The following NCAPD3 variants were observed in gnomAD, a reference collection of about 807,000 sequenced individuals.
NCAPD3 encodes the protein non-SMC condensin II complex subunit D3.
In NCAPD3, 105 loss-of-function variants were observed where a neutral mutation model predicts 182.9. That is an observed-to-expected ratio of 0.57 (90% CI 0.49 to 0.68). The LOEUF (loss-of-function observed/expected upper bound fraction) is 0.68, where lower values mean the gene tolerates loss of function less well. NCAPD3 is among the 30% of genes least tolerant of loss of function. The pLI is 0.00. For missense variants in NCAPD3, 1,944 were observed against 1,837.0 expected (o/e 1.06, Z -1.07); for synonymous variants, 815 against 679.9 (o/e 1.20, Z -3.09).
At chr11:134,160,141 C>T (rs996325874) in intron 28 of NCAPD3, 67 bp from the exon 29 acceptor site, 56 of 1,528,172 alleles carry the variant, frequency 3.7e-5, no homozygotes, top group Middle Eastern at 1.7e-4. Flanking sequence ...TAAACCCCCA[C>T]GACACACCTT....
intron 19 of NCAPD3, among the ~76,000 whole-genome samples, chr11:134,184,362 A>G (rs1002928040): frequency 6.6e-6 from 1 of 152,242 alleles, no homozygotes; most frequent in African/African-American, 2.4e-5. Context: ...TCTCACCAGG[A>G]AATGACAATC....
At chr11:134,201,392 G>A (rs1221867707) in intron 13 of NCAPD3, among the ~76,000 whole-genome samples, 4 of 152,180 alleles carry the variant, frequency 2.6e-5, no homozygotes, top group Admixed American at 2.6e-4. Context: ...GGGGCATGGG[G>A]AGTGACTGCT....
At position 134,184,626 on chromosome 11, in the gene NCAPD3, T is replaced by A. The variant is rs757030798; in HGVS notation, c.2451+11A>T. 4.4e-6 allele frequency: 7 copies of A among 1,577,870 alleles called. No individual in the cohort carries two copies. The highest frequency in any genetic ancestry group is 1.4e-5 in the African/African-American group (1 of 73,374). On this transcript the variant is annotated intron_variant, in intron 19 of 34. Transcript: ENST00000534548. ...GAAGTCAGAAACATGTCAGGGAAAGTCTGGCCATACCTGCTCCTCTGCTGG... is the reference window on the plus strand; with the variant it reads ...GAAGTCAGAAACATGTCAGGGAAAGACTGGCCATACCTGCTCCTCTGCTGG...
intron 12 of NCAPD3, 113 bp from the exon 13 acceptor site, chr11:134,203,018 CCTCT>C: frequency 8.7e-7 from 1 of 1,151,396 alleles, no homozygotes; most frequent in Non-Finnish European, 1.2e-6. Flanking sequence ...TGAATTTCAA[CCTCT>C]CTCATGAAAA....
Position 134,153,282 on chromosome 11 carries a change from A to G in NCAPD3, c.4327+7T>C, listed in dbSNP as rs1281339127. 5 of 1,614,018 alleles carry G rather than the reference A, an allele frequency of 3.1e-6. No homozygotes were observed. The highest frequency in any genetic ancestry group is 4.2e-6 in the Non-Finnish European group (5 of 1,179,998). On this transcript the variant is annotated splice_region_variant and intron_variant, in intron 33 of 34. Transcript: ENST00000534548. The stretch of plus-strand genomic sequence containing the variant: ...TCTATCAGCCCAGAAGGACACCAAG[A>G]ACTTGCCTTTGGCTGACGACGGAGT...
intron 32 of NCAPD3, 81 bp downstream of exon 32, chr11:134,156,937 G>C: frequency 1.6e-6 from 2 of 1,284,844 alleles, no homozygotes; most frequent in Non-Finnish European, 2.2e-6. Flanking sequence ...ACCGGAAGGA[G>C]TTTTACTGCG....
intron 14 of NCAPD3, 64 bp from the exon 15 acceptor site, chr11:134,194,214 T>A: frequency 6.6e-7 from 1 of 1,516,102 alleles, no homozygotes; most frequent in Non-Finnish European, 9.0e-7. Flanking sequence ...AGATAAACTG[T>A]TAACAAAGGA....
intron 1 of NCAPD3, chr11:134,223,272 G>A (rs1416590170): frequency 1.7e-6 from 1 of 604,278 alleles, no homozygotes; most frequent in East Asian, 2.8e-5. Flanking sequence ...AATTGCTCGA[G>A]GCTATGATGA....
At chr11:134,222,081 C>T (rs1463657025) in intron 1 of NCAPD3, among the ~76,000 whole-genome samples, 1 of 152,206 alleles carries the variant, frequency 6.6e-6, no homozygotes, top group African/African-American at 2.4e-5. Flanking sequence ...CAGTAACTGG[C>T]CCTGTTATCT....
chr11:134,157,157 A>T, intron 31 of NCAPD3, 62 bp from the exon 32 acceptor site: 3 of 1,331,410 alleles, frequency 2.3e-6, no homozygotes, highest in Non-Finnish European at 1.1e-6. Flanking sequence ...GAGCAAAACA[A>T]CCACATGAGA....
chr11:134,201,777 A>T (rs964271431), intron 13 of NCAPD3, among the ~76,000 whole-genome samples: 2 of 152,230 alleles, frequency 1.3e-5, no homozygotes, highest in African/African-American at 4.8e-5. Flanking sequence ...GAGCCAACAC[A>T]AACATTCAGC....
Position 134,206,720 on chromosome 11 carries a change from C to T in NCAPD3, c.895G>A (p.Val299Ile). ...ATTACACTGAGCATTTGATGGAAAACACAACTGATGACCTAGAAGAGAAAA... is the reference window on the plus strand; with the variant it reads ...ATTACACTGAGCATTTGATGGAAAATACAACTGATGACCTAGAAGAGAAAA... ...HGEGDKVISCVFHQMLSVILM... is the reference protein window; with the variant it reads ...HGEGDKVISCIFHQMLSVILM... Residue 299 changes from valine (V) to isoleucine (I), a missense_variant, in exon 8 of 35, where the codon GTT becomes ATT. By Grantham distance (29) the Val-to-Ile change is conservative. Coordinates refer to ENST00000534548, the MANE Select transcript of NCAPD3 (RefSeq NM_015261.3). 6.2e-7 allele frequency: 1 copy of T among 1,608,716 alleles called. No homozygotes were observed.
rs762454420 is a variant in NCAPD3 at position 134,168,614 on chromosome 11, C to A, written c.3240-12G>T. 1.9e-6 allele frequency: 3 copies of A among 1,613,868 alleles called. No individual in the cohort carries two copies. Among genetic ancestry groups the A allele is most frequent in the Middle Eastern group, 3.3e-4 (2 of 6,060 alleles). On this transcript the variant is annotated splice_polypyrimidine_tract_variant and intron_variant, in intron 25 of 34. Coordinates refer to ENST00000534548, the MANE Select transcript of NCAPD3 (RefSeq NM_015261.3). Reference sequence around the variant, plus strand: ...ACAGCCGCTTCTCTCTGTGGCAGAACGGGACAAGTTCACTGCATCACATGG... The same window carrying A: ...ACAGCCGCTTCTCTCTGTGGCAGAAAGGGACAAGTTCACTGCATCACATGG...
chr11:134,189,700 T>C (rs1011557101), intron 16 of NCAPD3, among the ~76,000 whole-genome samples: 1 of 152,216 alleles, frequency 6.6e-6, no homozygotes, highest in African/African-American at 2.4e-5. Flanking sequence ...CTTAGAAATG[T>C]GTGCTTATTG....
chr11:134,153,504 A>C (rs968607311), intron 32 of NCAPD3, 141 bp from the exon 33 acceptor site: 2 of 809,782 alleles, frequency 2.5e-6, no homozygotes, highest in Non-Finnish European at 4.2e-6. Context: ...ACCCTGTCCC[A>C]GGGCCTGGCA....
At position 134,151,732 on chromosome 11, in the gene NCAPD3, T is replaced by TAAAA. The variant is rs928942420; in HGVS notation, c.*1208_*1211dup. On this transcript the variant is annotated 3_prime_UTR_variant, in exon 35 of 35. Coordinates refer to ENST00000534548, the MANE Select transcript of NCAPD3 (RefSeq NM_015261.3). The stretch of plus-strand genomic sequence containing the variant: ...TTTGGCATTTGTTTAACCTCATTTA[T>TAAAA]AAAAGCTTCAAAAAAACCCAAACAT... 1.6e-4 allele frequency: 24 copies of TAAAA among 152,364 alleles called. No individual in the cohort carries two copies. Among genetic ancestry groups the TAAAA allele is most frequent in the African/African-American group, 5.3e-4 (22 of 41,586 alleles). The allele number at this position is 152,364 out of a possible 1,614,324, so 9.4% of individuals were successfully genotyped here. A position where few individuals can be genotyped will look rare whatever the true frequency, so the allele number is the denominator to read the frequency against.
At chr11:134,210,519 C>T in intron 3 of NCAPD3, 65 bp from the exon 4 acceptor site, 1 of 1,415,358 alleles carries the variant, frequency 7.1e-7, no homozygotes, top group Non-Finnish European at 9.8e-7. Flanking sequence ...TCTATAACAT[C>T]AGATGAAAAG....
intron 16 of NCAPD3, among the ~76,000 whole-genome samples, chr11:134,191,177 T>C (rs1565543490): frequency 6.6e-6 from 1 of 152,238 alleles, no homozygotes; most frequent in Non-Finnish European, 1.5e-5. Context: ...CCAGGTTTAA[T>C]AATGAGCCCA....
chr11:134,209,282 T>A, intron 5 of NCAPD3, 31 bp downstream of exon 5: 1 of 1,609,810 alleles, frequency 6.2e-7, no homozygotes, highest in South Asian at 1.1e-5. Flanking sequence ...TCCTTTGAAG[T>A]TGCCCTAAGG....
Sources: allele counts gnomAD v4.1 joint callset (sites outside exome capture counted in the v4.1 genomes callset), GRCh38; gene constraint gnomAD v4.1.1; transcripts MANE v1.5; gene names NCBI Gene and HGNC (gene_info 2026-07-23, HGNC 2026-07-21).